ADGRL3: variants seen among roughly 807,000 people sequenced by gnomAD.
The protein encoded by ADGRL3 is calcium-independent alpha-latrotoxin receptor 3.
In ADGRL3, 62 loss-of-function variants were observed where a neutral mutation model predicts 153.5. That is an observed-to-expected ratio of 0.40 (90% CI 0.33 to 0.50). ADGRL3 has a LOEUF of 0.50. Among genes scored for constraint, ADGRL3 ranks in the 20% least tolerant of loss-of-function variants. The probability of loss-of-function intolerance (pLI) is 0.47; values close to 1 mark genes in which losing one functional copy is unlikely to be tolerated. For missense variants in ADGRL3, 1,641 were observed against 1,859.4 expected (o/e 0.88, Z 2.16); for synonymous variants, 710 against 672.5 (o/e 1.06, Z -0.86).
intron 25 of ADGRL3, among the ~76,000 whole-genome samples, chr4:62,045,938 G>C (rs537533153): frequency 9.2e-5 from 14 of 151,856 alleles, no homozygotes; most frequent in African/African-American, 3.4e-4. Context: ...TTTCAATTTA[G>C]TTTTAATGTT....
intron 8 of ADGRL3, among the ~76,000 whole-genome samples, chr4:61,743,981 C>T (rs1002490270): frequency 3.3e-5 from 5 of 152,176 alleles, no homozygotes; most frequent in African/African-American, 1.2e-4. Context: ...TTACAGACAG[C>T]ACCTGGAAAA....
intron 1 of ADGRL3, among the ~76,000 whole-genome samples, chr4:61,354,989 A>G (rs1462881550): frequency 2.0e-5 from 3 of 152,134 alleles, no homozygotes; most frequent in Non-Finnish European, 4.4e-5. Flanking sequence ...ATGGACCAGA[A>G]TAATTTGTCC....
intron 21 of ADGRL3, among the ~76,000 whole-genome samples, chr4:62,018,284 T>C (rs1472430915): frequency 6.6e-6 from 1 of 152,124 alleles, no homozygotes; most frequent in Non-Finnish European, 1.5e-5. Context: ...TGTGTTGTGT[T>C]CTTACTAGAG....
chr4:61,658,405 T>A (rs1353649443), intron 5 of ADGRL3, among the ~76,000 whole-genome samples: 1 of 152,168 alleles, frequency 6.6e-6, no homozygotes, highest in Non-Finnish European at 1.5e-5. Flanking sequence ...CAGGCTCATA[T>A]AATTATTAGC....
At chr4:61,612,004 G>A (rs1335398718) in intron 5 of ADGRL3, among the ~76,000 whole-genome samples, 1 of 151,960 alleles carries the variant, frequency 6.6e-6, no homozygotes, top group Non-Finnish European at 1.5e-5. Context: ...TACATTTCTT[G>A]TTCACTCAGG....
chr4:61,570,314 T>C (rs73822685), intron 4 of ADGRL3, among the ~76,000 whole-genome samples: 2,384 of 152,256 alleles, frequency 0.016, 67 homozygotes, highest in East Asian at 0.13. Flanking sequence ...GTTAACAAAA[T>C]TCATAGTAAT....
rs1249372998 is a variant in ADGRL3, at chr4:61,946,991, G to A, written c.2497G>A (p.Gly833Arg). The change falls in exon 16 of 27, where the codon GGA becomes AGA. Residue 833 changes from glycine (G) to arginine (R), a missense_variant. By Grantham distance (125) the Gly-to-Arg change is moderately radical (BLOSUM62 -2). This residue lies in a region of ADGRL3 where 734 missense variants were observed against 797.0 expected (regional missense o/e 0.92). Coordinates refer to ENST00000683033, the MANE Select transcript of ADGRL3 (RefSeq NM_001387552.1). ...CACGGAGAATGCCAGTATGAAGTTG[G>A]GAACGGAAGCTTTGTCCACAAATCA... Reference protein sequence around the residue: ...LSTENASMKLGTEALSTNHSV... With the variant: ...LSTENASMKLRTEALSTNHSV... 1.2e-6 allele frequency: 2 copies of A among 1,613,754 alleles called. No homozygotes were observed. The highest frequency in any genetic ancestry group is 2.2e-5 in the East Asian group (1 of 44,828).
intron 4 of ADGRL3, among the ~76,000 whole-genome samples, chr4:61,576,259 T>G (rs1404649452): frequency 1.3e-5 from 2 of 152,006 alleles, no homozygotes; most frequent in Non-Finnish European, 2.9e-5. Flanking sequence ...TATTTCATTT[T>G]CACTCAAAAG....
intron 9 of ADGRL3, among the ~76,000 whole-genome samples, 161 bp downstream of exon 9, chr4:61,814,050 A>G (rs1270619085): frequency 2.0e-5 from 3 of 152,208 alleles, no homozygotes; most frequent in Non-Finnish European, 4.4e-5. Context: ...TCATTTATAA[A>G]CAAAAATGTG....
intron 4 of ADGRL3, among the ~76,000 whole-genome samples, chr4:61,567,022 A>C (rs1344377033): frequency 6.6e-6 from 1 of 152,204 alleles, no homozygotes; most frequent in Non-Finnish European, 1.5e-5. Flanking sequence ...GGATTTCTAA[A>C]GCAGGGAAAG....
chr4:61,721,057 G>A (rs574752852), intron 6 of ADGRL3, among the ~76,000 whole-genome samples: 2 of 152,256 alleles, frequency 1.3e-5, no homozygotes, highest in African/African-American at 2.4e-5. Context: ...TGCTAAATAA[G>A]TAGGACTAAG....
At chr4:61,659,570 A>G (rs2094534548) in intron 5 of ADGRL3, among the ~76,000 whole-genome samples, 1 of 152,202 alleles carries the variant, frequency 6.6e-6, no homozygotes, top group South Asian at 2.1e-4. Flanking sequence ...AAAATGTCAC[A>G]TAATGTCTGA....
chr4:61,294,910 C>T (rs1047516836), intron 1 of ADGRL3, among the ~76,000 whole-genome samples: 10 of 135,362 alleles, frequency 7.4e-5, no homozygotes, highest in African/African-American at 2.6e-4. Flanking sequence ...CACTCACACA[C>T]ACACACACAC....
intron 18 of ADGRL3, among the ~76,000 whole-genome samples, chr4:61,981,101 T>C (rs1372366385): frequency 6.6e-6 from 1 of 152,142 alleles, no homozygotes; most frequent in Non-Finnish European, 1.5e-5. Context: ...CCATTAACAA[T>C]AAAGGAGATG....
At chr4:61,828,389 AT>A (rs569247879) in intron 9 of ADGRL3, among the ~76,000 whole-genome samples, 4 of 152,212 alleles carry the variant, frequency 2.6e-5, no homozygotes, top group Non-Finnish European at 5.9e-5. Flanking sequence ...AAATAAAAAA[AT>A]AAAATATAAA....
chr4:61,726,430 C>T (rs961794056), intron 6 of ADGRL3, among the ~76,000 whole-genome samples: 3 of 151,872 alleles, frequency 2.0e-5, no homozygotes, highest in Non-Finnish European at 4.4e-5. Context: ...AACTCCCGAA[C>T]TCAGGTGATC....
chr4:61,241,477 T>G (rs1306225519), intron 1 of ADGRL3, among the ~76,000 whole-genome samples: 1 of 152,092 alleles, frequency 6.6e-6, no homozygotes, highest in African/African-American at 2.4e-5. Flanking sequence ...TGGACTAATC[T>G]ACAAATGGCT....
At chr4:61,535,387 G>A (rs2098649494) in intron 4 of ADGRL3, among the ~76,000 whole-genome samples, 1 of 151,974 alleles carries the variant, frequency 6.6e-6, no homozygotes, top group South Asian at 2.1e-4. Flanking sequence ...CAGGGATATT[G>A]GTCTGTAGTT....
At chr4:61,433,845 A>T (rs2097407577) in intron 2 of ADGRL3, among the ~76,000 whole-genome samples, 1 of 151,928 alleles carries the variant, frequency 6.6e-6, no homozygotes, top group Non-Finnish European at 1.5e-5. Flanking sequence ...GCCTTTCCAG[A>T]CTCTTCTATC....
Sources: gnomAD v4.1 joint callset for allele counts (sites outside exome capture counted in the v4.1 genomes callset) on GRCh38, gnomAD v4.1.1 for gene constraint, gnomAD v4.1.1 regional missense constraint, MANE v1.5 for transcripts, NCBI Gene and HGNC (gene_info 2026-07-23, HGNC 2026-07-21) for gene names.